TSPAN9: variants seen among roughly 807,000 people sequenced by gnomAD.
The protein encoded by TSPAN9 is tetraspanin-9.
In TSPAN9, 16 loss-of-function variants were observed where a neutral mutation model predicts 31.0. The observed-to-expected ratio is 0.52, with a 90% CI of 0.35 to 0.78. The LOEUF (loss-of-function observed/expected upper bound fraction) is 0.78, where lower values mean the gene tolerates loss of function less well. Ranked by LOEUF, TSPAN9 falls within the 30% of genes least tolerant of loss-of-function variation. The pLI is 0.01. For synonymous variants in TSPAN9, 145 were observed against 121.6 expected (o/e 1.19, Z -1.27); for missense variants, 272 against 312.5 (o/e 0.87, Z 0.98).
intron 3 of TSPAN9, among the ~76,000 whole-genome samples, chr12:3,267,885 A>G (rs1316391391): frequency 1.3e-5 from 2 of 152,180 alleles, no homozygotes; most frequent in Non-Finnish European, 2.9e-5. Context: ...TGCCCAACGT[A>G]GAGTGCCCAC....
At chr12:3,200,938 C>T (rs2098371195) in intron 2 of TSPAN9, 5 of 457,500 alleles carry the variant, frequency 1.1e-5, no homozygotes, top group South Asian at 3.3e-5. Flanking sequence ...AGTCGAGTAG[C>T]GAGGATTCTT....
At chr12:3,079,165 G>A (rs994866985) in intron 1 of TSPAN9, among the ~76,000 whole-genome samples, 4 of 152,178 alleles carry the variant, frequency 2.6e-5, no homozygotes, top group Admixed American at 2.0e-4. Context: ...TTTTAGTAGA[G>A]ATGAGGTTTT....
At chr12:3,205,011 A>G (rs1290476439) in intron 3 of TSPAN9, among the ~76,000 whole-genome samples, 1 of 152,086 alleles carries the variant, frequency 6.6e-6, no homozygotes, top group South Asian at 2.1e-4. Flanking sequence ...GGTGGGCTGG[A>G]AAAGGGACCT....
At position 3,267,322 on chromosome 12, in the gene TSPAN9, C is replaced by T. The variant is rs551608919; in HGVS notation, c.64-11099C>T. Among the ~76,000 whole-genome samples the T allele has an allele frequency of 2.6e-5, 4 of 152,340 alleles. No individual in the cohort carries two copies. In the East Asian group the frequency reaches 7.7e-4, roughly 29 times the overall value. Reference sequence around the variant, plus strand: ...TGAGGAACACAAAGTGCTCGGCAGGCGGAACCCTGTTCATCCCCACGGTGT... The same window carrying T: ...TGAGGAACACAAAGTGCTCGGCAGGTGGAACCCTGTTCATCCCCACGGTGT... On this transcript the variant is annotated intron_variant, in intron 3 of 8. Transcript: ENST00000011898.
chr12:3,277,355 G>A (rs1862807495), intron 3 of TSPAN9, among the ~76,000 whole-genome samples: 2 of 152,190 alleles, frequency 1.3e-5, no homozygotes, highest in Non-Finnish European at 2.9e-5. Flanking sequence ...CCATGACTGC[G>A]ACAGTGATTG....
chr12:3,154,956 C>T lies in TSPAN9; in HGVS notation c.-17-46221C>T, dbSNP rs1322917042. 2.0e-5 allele frequency among the ~76,000 whole-genome samples: 3 copies of T among 152,192 alleles called. No homozygotes were observed. In the East Asian group the frequency reaches 5.8e-4, roughly 29 times the overall value. ...AGACATGATCTAGCTAGGACAGAGA[C>T]AACTGGAATTTCTCAAAGGGCAGTG... On this transcript the variant is annotated intron_variant, in intron 2 of 8. Coordinates refer to ENST00000011898, the MANE Select transcript of TSPAN9 (RefSeq NM_006675.5).
chr12:3,247,413 T>C (rs1862159448), intron 3 of TSPAN9, among the ~76,000 whole-genome samples: 1 of 151,250 alleles, frequency 6.6e-6, no homozygotes, highest in South Asian at 2.1e-4. Flanking sequence ...CTGGGGGTCC[T>C]TTCTGCCTTT....
At chr12:3,093,481 T>A (rs902952827) in intron 2 of TSPAN9, among the ~76,000 whole-genome samples, 12 of 152,094 alleles carry the variant, frequency 7.9e-5, no homozygotes, top group African/African-American at 2.9e-4. Flanking sequence ...CAGCTGCAGT[T>A]CCTGATTCTG....
chr12:3,266,578 C>T (rs1862540955), intron 3 of TSPAN9, among the ~76,000 whole-genome samples: 1 of 152,194 alleles, frequency 6.6e-6, no homozygotes, highest in African/African-American at 2.4e-5. Context: ...AATTGCCATG[C>T]ACATGTTGCA....
At chr12:3,213,753 G>T (rs1002081054) in intron 3 of TSPAN9, among the ~76,000 whole-genome samples, 1 of 152,188 alleles carries the variant, frequency 6.6e-6, no homozygotes, top group African/African-American at 2.4e-5. Flanking sequence ...CTCAGGAGCT[G>T]TGGGAGGAAT....
chr12:3,250,394 C>G (rs1044641090), intron 3 of TSPAN9, among the ~76,000 whole-genome samples: 1 of 152,232 alleles, frequency 6.6e-6, no homozygotes, highest in African/African-American at 2.4e-5. Context: ...TGATCCAACC[C>G]CATCAGCCCT....
intron 3 of TSPAN9, among the ~76,000 whole-genome samples, chr12:3,206,128 C>T (rs1254956888): frequency 6.6e-6 from 1 of 152,208 alleles, no homozygotes; most frequent in Non-Finnish European, 1.5e-5. Flanking sequence ...CTCCGGCCTG[C>T]TCCTATCTCC....
intron 7 of TSPAN9, 25 bp from the exon 8 acceptor site, chr12:3,281,709 T>A (rs1452137543): frequency 3.1e-6 from 5 of 1,605,922 alleles, no homozygotes; most frequent in Admixed American, 3.3e-5. Context: ...GCTGGGACCC[T>A]AACCTCGTGG....
intron 2 of TSPAN9, among the ~76,000 whole-genome samples, chr12:3,115,240 T>C (rs776711405): frequency 2.6e-5 from 4 of 152,260 alleles, no homozygotes; most frequent in Non-Finnish European, 4.4e-5. Flanking sequence ...ATCTGTGTTG[T>C]AGCACGTGTC....
At chr12:3,108,496 C>G (rs1045144655) in intron 2 of TSPAN9, among the ~76,000 whole-genome samples, 1 of 152,196 alleles carries the variant, frequency 6.6e-6, no homozygotes, top group Non-Finnish European at 1.5e-5. Context: ...GGAAAAGTCT[C>G]TCTGTCTCTA....
Position 3,271,241 on chromosome 12 carries a change from C to T in TSPAN9, c.64-7180C>T, listed in dbSNP as rs143035812. Among the ~76,000 whole-genome samples the T allele has an allele frequency of 1.9e-3, 282 of 152,234 alleles. 3 individuals are homozygous for T. The highest frequency in any genetic ancestry group is 6.3e-3 in the African/African-American group (263 of 41,540). ...AAGTGTGGGGTCCAACAGTAATGAC[C>T]AAGGAATCATGCCATCTGGCTTGAA... On this transcript the variant is annotated intron_variant, in intron 3 of 8. Transcript: ENST00000011898.
chr12:3,110,122 G>T (rs1014112729), intron 2 of TSPAN9, among the ~76,000 whole-genome samples: 2 of 151,898 alleles, frequency 1.3e-5, no homozygotes, highest in Non-Finnish European at 2.9e-5. Context: ...CACAAGACCG[G>T]GAGTGGGCTT....
chr12:3,227,173 G>C (rs901016690), intron 3 of TSPAN9, among the ~76,000 whole-genome samples: 5 of 152,132 alleles, frequency 3.3e-5, no homozygotes, highest in Admixed American at 3.3e-4. Flanking sequence ...AAATCCAAAT[G>C]ATTGTTTAGT....
At chr12:3,151,013 G>C (rs1227639145) in intron 2 of TSPAN9, 1 of 152,212 alleles carries the variant, frequency 6.6e-6, no homozygotes, top group Non-Finnish European at 1.5e-5. Context: ...AGCTTCGCTA[G>C]CCAGGGACAC....
Sources: gnomAD v4.1 joint callset for allele counts (sites outside exome capture counted in the v4.1 genomes callset) on GRCh38, gnomAD v4.1.1 for gene constraint, MANE v1.5 for transcripts, NCBI Gene and HGNC (gene_info 2026-07-23, HGNC 2026-07-21) for gene names.